AGAP1: variants seen among roughly 807,000 people sequenced by gnomAD.
AGAP1 encodes the protein ArfGAP with GTPase domain, ankyrin repeat and PH domain 1.
AGAP1 carries 29 observed loss-of-function variants against 105.3 expected under a neutral mutation model. That is an observed-to-expected ratio of 0.28 (90% CI 0.21 to 0.38). AGAP1 has a LOEUF of 0.38. Ranked by LOEUF, AGAP1 falls within the 10% of genes least tolerant of loss-of-function variation. The pLI is 1.00. For synonymous variants in AGAP1, 509 were observed against 485.9 expected (o/e 1.05, Z -0.63); for missense variants, 998 against 1,165.1 (o/e 0.86, Z 2.09).
chr2:235,603,515 T>C (rs1945809730), intron 1 of AGAP1, among the ~76,000 whole-genome samples: 1 of 152,192 alleles, frequency 6.6e-6, no homozygotes, highest in Non-Finnish European at 1.5e-5. Context: ...ATTGAATGAC[T>C]TAATGTAGAA....
At chr2:235,859,045 G>A (rs190253025) in intron 9 of AGAP1, among the ~76,000 whole-genome samples, 1 of 152,192 alleles carries the variant, frequency 6.6e-6, no homozygotes, top group Non-Finnish European at 1.5e-5. Context: ...ACAGCATGAA[G>A]CAAGGGGAAC....
chr2:235,879,552 T>A lies in AGAP1; in HGVS notation c.1051-3793T>A, dbSNP rs1425188025. The stretch of plus-strand genomic sequence containing the variant: ...TTACTTATTTAATAAGATCTTAAGT[T>A]TATTGAGAGTTTTCCTAGGATCAAA... On this transcript the variant is annotated intron_variant, in intron 9 of 17. Coordinates refer to ENST00000304032, the MANE Select transcript of AGAP1 (RefSeq NM_001037131.3). This position sits in a 1 kb window ranked among gnomAD's most constrained non-coding sequence, Gnocchi z 5.0. Among the ~76,000 whole-genome samples, 5 of 152,136 alleles carry A rather than the reference T, an allele frequency of 3.3e-5. No individual in the cohort carries two copies. The highest frequency in any genetic ancestry group is 4.4e-5 in the Non-Finnish European group (3 of 68,034).
chr2:236,008,706 G>A (rs552638592), intron 13 of AGAP1, among the ~76,000 whole-genome samples: 1 of 152,304 alleles, frequency 6.6e-6, no homozygotes, highest in African/African-American at 2.4e-5. Flanking sequence ...TCTTTCCCAT[G>A]TGCACCTACG....
chr2:235,503,411 T>C (rs1013282771), intron 1 of AGAP1, among the ~76,000 whole-genome samples: 1 of 152,112 alleles, frequency 6.6e-6, no homozygotes, highest in African/African-American at 2.4e-5. Context: ...CTGCTGGAAG[T>C]TCAGCCTGGT....
At chr2:235,617,276 C>G (rs1411189183) in intron 1 of AGAP1, among the ~76,000 whole-genome samples, 2 of 152,196 alleles carry the variant, frequency 1.3e-5, no homozygotes, top group Non-Finnish European at 2.9e-5. Flanking sequence ...GTTCAAAGCA[C>G]AGCTAAGTTA....
intron 11 of AGAP1, among the ~76,000 whole-genome samples, chr2:235,916,099 C>T (rs1449480363): frequency 6.6e-6 from 1 of 152,148 alleles, no homozygotes; most frequent in African/African-American, 2.4e-5. Flanking sequence ...CATCTTTAGA[C>T]AACCTACAGG....
intron 1 of AGAP1, among the ~76,000 whole-genome samples, chr2:235,531,608 CTTTTTT>C (rs529337320): frequency 3.0e-5 from 4 of 135,320 alleles, no homozygotes; most frequent in African/African-American, 8.2e-5. Flanking sequence ...GTAGCTTTGC[CTTTTTT>C]TTTTTTTTTT....
In AGAP1 at chr2:235,578,445, C is replaced by A. The variant is rs1326074427; in HGVS notation, c.163+83596C>A. The stretch of plus-strand genomic sequence containing the variant: ...GTACTTAGTGCCACTGAGCTGCACA[C>A]TTAAAAGTGGGTAGAATGATGCATT... On this transcript the variant is annotated intron_variant, in intron 1 of 17. Transcript: ENST00000304032. This position sits in a 1 kb window ranked among gnomAD's most constrained non-coding sequence, Gnocchi z 4.9. 6.6e-6 allele frequency among the ~76,000 whole-genome samples: 1 copy of A among 152,204 alleles called. No individual in the cohort carries two copies. Among genetic ancestry groups the A allele is most frequent in the African/African-American group, 2.4e-5 (1 of 41,440 alleles).
chr2:235,504,264 C>G (rs1941692138), intron 1 of AGAP1, among the ~76,000 whole-genome samples: 1 of 152,238 alleles, frequency 6.6e-6, no homozygotes, highest in Non-Finnish European at 1.5e-5. Context: ...ACAGACTCAT[C>G]TGTCGTGAGG....
chr2:235,859,363 C>T (rs1449247465), intron 9 of AGAP1, among the ~76,000 whole-genome samples: 1 of 147,378 alleles, frequency 6.8e-6, no homozygotes, highest in African/African-American at 2.5e-5. Context: ...GAACCCCCAT[C>T]CTGAAATCTG....
At chr2:235,524,583 T>C (rs1262382409) in intron 1 of AGAP1, 9 of 186,962 alleles carry the variant, frequency 4.8e-5, no homozygotes, top group Non-Finnish European at 1.3e-5. Flanking sequence ...CACCATGCCT[T>C]CCCCACATGG....
At chr2:235,587,267 G>A (rs962755142) in intron 1 of AGAP1, among the ~76,000 whole-genome samples, 2 of 152,196 alleles carry the variant, frequency 1.3e-5, no homozygotes, top group African/African-American at 4.8e-5. Flanking sequence ...GAGGAGTCCT[G>A]TCTTTTAAGC....
At chr2:235,838,641 C>T (rs1318720489) in intron 9 of AGAP1, among the ~76,000 whole-genome samples, 2 of 152,248 alleles carry the variant, frequency 1.3e-5, no homozygotes, top group African/African-American at 4.8e-5. Flanking sequence ...TAAAAACTCA[C>T]AACCTAGCAA....
At position 235,908,651 on chromosome 2, in the gene AGAP1, A is replaced by C; in HGVS notation, c.1156-87A>C. 1 of 1,303,254 alleles carries C rather than the reference A, an allele frequency of 7.7e-7. No homozygotes were observed. Among genetic ancestry groups the C allele is most frequent in the Non-Finnish European group, 1.1e-6 (1 of 947,926 alleles). The allele number at this position is 1,303,254 out of a possible 1,614,324, so 80.7% of individuals were successfully genotyped here. A position where few individuals can be genotyped will look rare whatever the true frequency, so the allele number is the denominator to read the frequency against. On this transcript the variant is annotated intron_variant, in intron 10 of 17. Transcript: ENST00000304032. The surrounding 1 kb of genome is among the most constrained non-coding windows in gnomAD (Gnocchi z 4.4). ...TGGAAGGGTCATAGGGTTTTAACTC[A>C]TGACGTCTGATAGACCCTTTTGTTC...
At chr2:235,822,141 G>A (rs1958822636) in intron 9 of AGAP1, among the ~76,000 whole-genome samples, 1 of 152,198 alleles carries the variant, frequency 6.6e-6, no homozygotes, top group South Asian at 2.1e-4. Context: ...ATGTCTTCGG[G>A]GAGATACTTT....
At chr2:235,718,444 G>T in intron 3 of AGAP1, 1 of 963,666 alleles carries the variant, frequency 1.0e-6, no homozygotes, top group Non-Finnish European at 1.2e-6. Flanking sequence ...GGAGAGAGAG[G>T]AAAGGCACCA....
In AGAP1 at chr2:235,908,280, C is replaced by T. The variant is rs897605251; in HGVS notation, c.1156-458C>T. 1.3e-5 allele frequency among the ~76,000 whole-genome samples: 2 copies of T among 152,152 alleles called. No homozygotes were observed. The highest frequency in any genetic ancestry group is 4.8e-5 in the African/African-American group (2 of 41,442). ...TGACCTTTTTACTTCCAGTTTTCAC[C>T]TGATTTTTCACCAGAGAGCTTCAGT... On this transcript the variant is annotated intron_variant, in intron 10 of 17. Coordinates refer to ENST00000304032, the MANE Select transcript of AGAP1 (RefSeq NM_001037131.3). The surrounding 1 kb of genome is among the most constrained non-coding windows in gnomAD (Gnocchi z 4.4).
At chr2:235,619,876 T>G (rs1200121873) in intron 1 of AGAP1, among the ~76,000 whole-genome samples, 1 of 152,172 alleles carries the variant, frequency 6.6e-6, no homozygotes, top group Non-Finnish European at 1.5e-5. Context: ...TCTGCAAGGT[T>G]TGTCCAGAGT....
In AGAP1 at chr2:235,787,187, C is replaced by CA. The variant is rs1462292629; in HGVS notation, c.674-10571dup. 6.6e-6 allele frequency among the ~76,000 whole-genome samples: 1 copy of CA among 152,220 alleles called. No individual in the cohort carries two copies. Among genetic ancestry groups the CA allele is most frequent in the African/African-American group, 2.4e-5 (1 of 41,464 alleles). Reference sequence around the variant, plus strand: ...TCTCCTGTTGTAAGAGTTGAGCTAGCAGGGGCCGCCTCTACCCTTGGCTGC... The same window carrying CA: ...TCTCCTGTTGTAAGAGTTGAGCTAGCAAGGGGCCGCCTCTACCCTTGGCTGC... On this transcript the variant is annotated intron_variant, in intron 6 of 17. Coordinates refer to ENST00000304032, the MANE Select transcript of AGAP1 (RefSeq NM_001037131.3). The surrounding 1 kb of genome is among the most constrained non-coding windows in gnomAD (Gnocchi z 4.4).
Sources: gnomAD v4.1 joint callset for allele counts (sites outside exome capture counted in the v4.1 genomes callset) on GRCh38, gnomAD v4.1.1 for gene constraint, Gnocchi (gnomAD v3.1) non-coding constraint, MANE v1.5 for transcripts, NCBI Gene and HGNC (gene_info 2026-07-23, HGNC 2026-07-21) for gene names.